Variants in SLC4A4 observed in about 807,000 individuals in gnomAD.
SLC4A4 encodes solute carrier family 4 member 4, also known as electrogenic sodium bicarbonate cotransporter 1.
In SLC4A4, 27 loss-of-function variants were observed where a neutral mutation model predicts 111.5. The ratio of observed to expected loss-of-function variants is 0.24; its 90% CI spans 0.18 to 0.33. The LOEUF is 0.33. Ranked by LOEUF, SLC4A4 falls within the 10% of genes least tolerant of loss-of-function variation. The pLI, the probability that SLC4A4 is intolerant of heterozygous loss-of-function variation, is 1.00. For synonymous variants in SLC4A4, 443 were observed against 463.4 expected, an observed-to-expected ratio of 0.96 and a Z score of 0.57; for missense variants, 909 against 1,315.5, an observed-to-expected ratio of 0.69 and a Z score of 4.78.
chr4:71,489,954 A>G (rs1168514390), intron 15 of SLC4A4, among the ~76,000 whole-genome samples: 1 of 151,736 alleles, frequency 6.6e-6, no homozygotes, highest in Non-Finnish European at 1.5e-5. Context: ...AGAGCAGGAG[A>G]GAGGGGTATT....
Position 71,307,095 on chromosome 4 carries a change from T to G in SLC4A4, c.254-32275T>G, listed in dbSNP as rs527836966. Among the ~76,000 whole-genome samples, 8 of 152,350 alleles carry G rather than the reference T, an allele frequency of 5.3e-5. No individual in the cohort carries two copies. In the South Asian group the frequency reaches 1.7e-3, roughly 32 times the overall value. ...AATGGCATGTGAATTAGTTGTAAACTGTTTCAGTAAACATTAAATGGGTGG... is the reference window on the plus strand; with the variant it reads ...AATGGCATGTGAATTAGTTGTAAACGGTTTCAGTAAACATTAAATGGGTGG... On this transcript the variant is annotated intron_variant, in intron 3 of 25. Transcript: ENST00000264485.
intron 2 of SLC4A4, among the ~76,000 whole-genome samples, chr4:71,107,864 T>C (rs974153980): frequency 2.9e-5 from 1 of 34,388 alleles, no homozygotes; most frequent in East Asian, 1.6e-3. Flanking sequence ...AACACCACCA[T>C]GTCTAATTTT....
chr4:71,309,536 G>A (rs1725965129), intron 3 of SLC4A4, among the ~76,000 whole-genome samples: 1 of 152,148 alleles, frequency 6.6e-6, no homozygotes, highest in Non-Finnish European at 1.5e-5. Context: ...CAGGCAAATA[G>A]GGTCTGGAAT....
At chr4:71,475,341 A>G (rs1207302022) in intron 14 of SLC4A4, among the ~76,000 whole-genome samples, 1 of 151,888 alleles carries the variant, frequency 6.6e-6, no homozygotes, top group Non-Finnish European at 1.5e-5. Context: ...CAAGGAAGAC[A>G]TATCTAAATG....
chr4:71,317,127 C>T (rs1263736127), intron 3 of SLC4A4, among the ~76,000 whole-genome samples: 6 of 149,474 alleles, frequency 4.0e-5, no homozygotes, highest in African/African-American at 1.2e-4. Flanking sequence ...TGATTTTATT[C>T]GTATTTTTCT....
intron 7 of SLC4A4, among the ~76,000 whole-genome samples, chr4:71,402,371 A>G (rs564268598): frequency 1.3e-5 from 2 of 152,262 alleles, no homozygotes; most frequent in South Asian, 2.1e-4. Context: ...CAGGGCTCAC[A>G]TAAAGCTTCT....
At chr4:71,129,453 A>G (rs745755554) in intron 2 of SLC4A4, among the ~76,000 whole-genome samples, 2 of 152,244 alleles carry the variant, frequency 1.3e-5, no homozygotes, top group East Asian at 1.9e-4. Flanking sequence ...CTGTCATTAA[A>G]AAGTCAAAAA....
At chr4:71,121,924 T>TG (rs1440257016) in intron 2 of SLC4A4, among the ~76,000 whole-genome samples, 1 of 152,004 alleles carries the variant, frequency 6.6e-6, no homozygotes, top group Non-Finnish European at 1.5e-5. Context: ...AGGAACCCAC[T>TG]GGGAGGAATG....
At chr4:71,486,348 T>C (rs1729400483) in intron 14 of SLC4A4, among the ~76,000 whole-genome samples, 2 of 151,664 alleles carry the variant, frequency 1.3e-5, no homozygotes, top group South Asian at 4.1e-4. Flanking sequence ...TAGGTTCTTC[T>C]TCAAGTGCCA....
At chr4:71,418,284 G>A (rs1322971203) in intron 7 of SLC4A4, among the ~76,000 whole-genome samples, 1 of 152,110 alleles carries the variant, frequency 6.6e-6, no homozygotes, top group African/African-American at 2.4e-5. Flanking sequence ...GGAAAAATTA[G>A]AAAATCAAAT....
chr4:71,520,228 T>C (rs1195590753), intron 16 of SLC4A4, among the ~76,000 whole-genome samples: 1 of 152,264 alleles, frequency 6.6e-6, no homozygotes, highest in Non-Finnish European at 1.5e-5. Flanking sequence ...GACAATGTTC[T>C]TGCCATGCAA....
intron 3 of SLC4A4, among the ~76,000 whole-genome samples, chr4:71,274,730 A>G (rs1722950566): frequency 6.6e-6 from 1 of 152,140 alleles, no homozygotes; most frequent in Non-Finnish European, 1.5e-5. Context: ...TGACTTTTGG[A>G]CACTTCGTTT....
intron 18 of SLC4A4, among the ~76,000 whole-genome samples, chr4:71,536,474 AT>A (rs2149217239): frequency 2.2e-5 from 2 of 89,346 alleles, no homozygotes; most frequent in Non-Finnish European, 4.5e-5. Flanking sequence ...ACATATATAT[AT>A]ATATATATAT....
chr4:71,503,254 T>G lies in SLC4A4; in HGVS notation c.2166+5562T>G, dbSNP rs1478190991. On this transcript the variant is annotated intron_variant, in intron 16 of 25. Coordinates refer to ENST00000264485, the MANE Select transcript of SLC4A4 (RefSeq NM_001098484.3). ...CTATAGTTTGGTCTTTTTTTTTTTT[T>G]GTCCATTCATTCCCTCTGTATCTTT... 2.7e-5 allele frequency among the ~76,000 whole-genome samples: 4 copies of G among 150,938 alleles called. No homozygotes were observed. In the East Asian group the frequency reaches 6.1e-4, roughly 23 times the overall value.
At chr4:71,174,819 G>T (rs2630554) in intron 2 of SLC4A4, among the ~76,000 whole-genome samples, 151,970 of 152,356 alleles carry the variant, frequency 1, 75,795 homozygotes, top group Middle Eastern at 1. Context: ...TATGGCTTAC[G>T]ATGTAGCCCA....
chr4:71,266,772 C>T (rs369470932), intron 3 of SLC4A4, among the ~76,000 whole-genome samples: 5 of 152,264 alleles, frequency 3.3e-5, no homozygotes, highest in Middle Eastern at 6.8e-3. Context: ...GAAAGAGATA[C>T]AGCAAGATCC....
intron 15 of SLC4A4, among the ~76,000 whole-genome samples, chr4:71,493,433 T>C (rs964188800): frequency 2.6e-5 from 4 of 152,054 alleles, no homozygotes; most frequent in Non-Finnish European, 2.9e-5. Flanking sequence ...CCAGACATGA[T>C]GACAGATTTC....
chr4:71,075,411 A>G (rs1039670314), intron 1 of SLC4A4, among the ~76,000 whole-genome samples: 6 of 152,218 alleles, frequency 3.9e-5, no homozygotes, highest in African/African-American at 7.2e-5. Context: ...CATTTCAATC[A>G]GAGAAAAAAC....
chr4:71,284,225 G>A (rs955036775), intron 3 of SLC4A4, among the ~76,000 whole-genome samples: 2 of 152,122 alleles, frequency 1.3e-5, no homozygotes, highest in Non-Finnish European at 2.9e-5. Flanking sequence ...GAAAGACTTG[G>A]TTTCTACTTA....
Sources: allele counts gnomAD v4.1 joint callset (sites outside exome capture counted in the v4.1 genomes callset), GRCh38; gene constraint gnomAD v4.1.1; transcripts MANE v1.5; gene names NCBI Gene and HGNC (gene_info 2026-07-23, HGNC 2026-07-21).